The following ERC2 variants were observed in gnomAD, a reference collection of about 807,000 sequenced individuals.
The protein encoded by ERC2 is ELKS/RAB6-interacting/CAST family member 2, also known as ERC protein 2.
Under a neutral mutation model 114.8 loss-of-function variants are expected in ERC2, and 42 were observed. The ratio of observed to expected loss-of-function variants is 0.37; its 90% confidence interval spans 0.29 to 0.47. ERC2 has a LOEUF of 0.47. Among genes scored for constraint, ERC2 ranks in the 20% least tolerant of loss-of-function variants. The probability of loss-of-function intolerance (pLI) is 0.99; values close to 1 mark genes in which losing one functional copy is unlikely to be tolerated. For missense variants in ERC2, 939 were observed against 1,150.7 expected, an observed-to-expected ratio of 0.82 and a Z score of 2.66; for synonymous variants, 454 against 425.5, an observed-to-expected ratio of 1.07 and a Z score of -0.82.
At chr3:55,840,875 T>C (rs1366370333) in intron 14 of ERC2, among the ~76,000 whole-genome samples, 2 of 152,110 alleles carry the variant, frequency 1.3e-5, no homozygotes, top group Admixed American at 1.3e-4. Flanking sequence ...CGATTCCATT[T>C]ACGTAAAATT....
chr3:56,439,882 C>T (rs990464542), intron 1 of ERC2, among the ~76,000 whole-genome samples: 5 of 151,840 alleles, frequency 3.3e-5, no homozygotes, highest in African/African-American at 1.2e-4. Flanking sequence ...TTTGTAAATA[C>T]CTTGCTGTTT....
At chr3:56,020,045 G>A (rs2073595573) in intron 7 of ERC2, among the ~76,000 whole-genome samples, 1 of 152,086 alleles carries the variant, frequency 6.6e-6, no homozygotes, top group African/African-American at 2.4e-5. Context: ...GCATGTATCT[G>A]GAATGGTAAT....
intron 17 of ERC2, among the ~76,000 whole-genome samples, chr3:55,600,494 C>T (rs903768704): frequency 2.6e-5 from 4 of 152,214 alleles, no homozygotes; most frequent in African/African-American, 4.8e-5. Flanking sequence ...GAAACATTCA[C>T]GTCTGCCATC....
chr3:55,709,661 T>G (rs1483768960), intron 15 of ERC2, among the ~76,000 whole-genome samples: 1 of 152,100 alleles, frequency 6.6e-6, no homozygotes, highest in Non-Finnish European at 1.5e-5. Flanking sequence ...CTGCTCCCAG[T>G]TCTAAAGCAG....
rs537702080 is a variant in ERC2 at position 56,391,480 on chromosome 3, G to A, written c.657+42871C>T. Among the ~76,000 whole-genome samples, 279 of 152,330 alleles carry A rather than the reference G, an allele frequency of 1.8e-3. 1 individual carries two copies. Among genetic ancestry groups the A allele is most frequent in the African/African-American group, 6.3e-3 (261 of 41,582 alleles). Reference sequence around the variant, plus strand: ...TTTCCATTTTAGGAATAAGAAGAGTGAGAAAGAGAAATGGTTAAGGGGTTA... The same window carrying A: ...TTTCCATTTTAGGAATAAGAAGAGTAAGAAAGAGAAATGGTTAAGGGGTTA... On this transcript the variant is annotated intron_variant, in intron 2 of 17. Coordinates refer to ENST00000288221, the MANE Select transcript of ERC2 (RefSeq NM_015576.3).
At chr3:55,574,182 G>A (rs935284148) in intron 17 of ERC2, among the ~76,000 whole-genome samples, 5 of 152,122 alleles carry the variant, frequency 3.3e-5, no homozygotes, top group African/African-American at 7.2e-5. Context: ...ACTGTGGTCC[G>A]TACAGGTGAA....
intron 6 of ERC2, among the ~76,000 whole-genome samples, chr3:56,114,147 G>A (rs2079107887): frequency 6.6e-6 from 1 of 152,276 alleles, no homozygotes; most frequent in East Asian, 1.9e-4. Context: ...CATGAAGGAG[G>A]CTTGCATGCA....
At chr3:55,577,680 T>C (rs938982324) in intron 17 of ERC2, among the ~76,000 whole-genome samples, 1 of 152,160 alleles carries the variant, frequency 6.6e-6, no homozygotes, top group African/African-American at 2.4e-5. Context: ...ACCCCAGGCA[T>C]GCACCATACT....
intron 2 of ERC2, among the ~76,000 whole-genome samples, chr3:56,414,684 C>T (rs1220723421): frequency 1.3e-5 from 2 of 150,154 alleles, no homozygotes; most frequent in Non-Finnish European, 3.0e-5. Flanking sequence ...GAGATCATGC[C>T]ACTACGCTCC....
chr3:55,780,645 T>C (rs2068966499), intron 14 of ERC2, among the ~76,000 whole-genome samples: 1 of 152,270 alleles, frequency 6.6e-6, no homozygotes, highest in South Asian at 2.1e-4. Context: ...CCAGTCTTTA[T>C]GTGGAAATGA....
chr3:56,278,354 A>T (rs2054143386), intron 3 of ERC2, among the ~76,000 whole-genome samples: 1 of 152,222 alleles, frequency 6.6e-6, no homozygotes, highest in Non-Finnish European at 1.5e-5. Context: ...GTCTGAAGTG[A>T]GGGAAATTCA....
intron 3 of ERC2, among the ~76,000 whole-genome samples, chr3:56,279,554 C>G (rs2054215411): frequency 6.6e-6 from 1 of 152,134 alleles, no homozygotes. Context: ...TTCAGCAAAG[C>G]CAGAGTTTAA....
chr3:56,102,147 G>A (rs7651042), intron 6 of ERC2, among the ~76,000 whole-genome samples: 2 of 151,982 alleles, frequency 1.3e-5, no homozygotes, highest in Admixed American at 6.6e-5. Flanking sequence ...CACTGGAATC[G>A]CAAATCAAAT....
intron 13 of ERC2, among the ~76,000 whole-genome samples, chr3:55,907,985 T>A (rs949817263): frequency 6.6e-6 from 1 of 151,998 alleles, no homozygotes; most frequent in Non-Finnish European, 1.5e-5. Context: ...GGACGATACA[T>A]TGGGAAAAGC....
rs186628619 is a variant in ERC2, at chr3:55,536,649, G to A, written c.*40-25373C>T. ...AATTGAAACTTATTTAAAGAGTTTCGTAGTAATAAATCTGAACTTCCTGGC... is the reference window on the plus strand; with the variant it reads ...AATTGAAACTTATTTAAAGAGTTTCATAGTAATAAATCTGAACTTCCTGGC... On this transcript the variant is annotated intron_variant, in intron 17 of 17. Transcript: ENST00000288221. 1.1e-4 allele frequency among the ~76,000 whole-genome samples: 16 copies of A among 152,322 alleles called. No homozygotes were observed. In the South Asian group the frequency reaches 3.3e-3, roughly 32 times the overall value.
chr3:56,379,418 G>A (rs2059666782), intron 2 of ERC2, among the ~76,000 whole-genome samples: 2 of 152,118 alleles, frequency 1.3e-5, no homozygotes, highest in Admixed American at 1.3e-4. Flanking sequence ...CACCTTCTCT[G>A]TGCCAGGCAC....
intron 12 of ERC2, among the ~76,000 whole-genome samples, chr3:55,983,760 G>T (rs2070351563): frequency 6.6e-6 from 1 of 152,108 alleles, no homozygotes; most frequent in South Asian, 2.1e-4. Flanking sequence ...TAAAATACAT[G>T]ATATGTGTAT....
At chr3:55,739,832 A>G (rs2065872880) in intron 14 of ERC2, among the ~76,000 whole-genome samples, 2 of 152,156 alleles carry the variant, frequency 1.3e-5, no homozygotes, top group Admixed American at 1.3e-4. Flanking sequence ...GTCTTTGCTC[A>G]TGCCTATGTC....
intron 2 of ERC2, among the ~76,000 whole-genome samples, chr3:56,356,359 C>T (rs1486123231): frequency 6.6e-6 from 1 of 152,142 alleles, no homozygotes; most frequent in African/African-American, 2.4e-5. Flanking sequence ...GGTAAAGTGG[C>T]CTGGGCTGAA....
Sources: gnomAD v4.1 joint callset for allele counts (sites outside exome capture counted in the v4.1 genomes callset) on GRCh38, gnomAD v4.1.1 for gene constraint, MANE v1.5 for transcripts, NCBI Gene and HGNC (gene_info 2026-07-23, HGNC 2026-07-21) for gene names.